DEPDC1B: variants seen among roughly 807,000 people sequenced by gnomAD.
DEPDC1B encodes the protein DEP domain containing 1B.
DEPDC1B carries 51 observed loss-of-function variants against 66.5 expected under a neutral mutation model. The observed-to-expected ratio is 0.77, with a 90% confidence interval of 0.61 to 0.97. The LOEUF (loss-of-function observed/expected upper bound fraction) is 0.97. Ranked by LOEUF, DEPDC1B falls within the 50% of genes least tolerant of loss-of-function variation. The pLI, the probability that DEPDC1B is intolerant of heterozygous loss-of-function variation, is 0.00. For synonymous variants in DEPDC1B, 226 were observed against 223.6 expected (o/e 1.01, Z -0.10); for missense variants, 552 against 637.1 (o/e 0.87, Z 1.44).
intron 7 of DEPDC1B, among the ~76,000 whole-genome samples, chr5:60,622,432 A>G (rs1175914246): frequency 6.6e-6 from 1 of 152,192 alleles, no homozygotes. Context: ...ATATACTACA[A>G]AATATTTTTC....
chr5:60,616,758 C>A, intron 7 of DEPDC1B, among the ~76,000 whole-genome samples: 1 of 152,080 alleles, frequency 6.6e-6, no homozygotes, highest in East Asian at 1.9e-4. Context: ...CAAGGCAGGC[C>A]AACATTCAAA....
chr5:60,697,318 T>C (rs1754679358), intron 1 of DEPDC1B, among the ~76,000 whole-genome samples: 1 of 152,172 alleles, frequency 6.6e-6, no homozygotes, highest in Admixed American at 6.5e-5. Flanking sequence ...CTGTACATGC[T>C]TTGAGAAAGT....
intron 2 of DEPDC1B, among the ~76,000 whole-genome samples, chr5:60,671,339 G>C (rs536064971): frequency 1.3e-5 from 2 of 152,292 alleles, no homozygotes; most frequent in South Asian, 4.1e-4. Context: ...ACAAGAAATG[G>C]ACTGTGCTGG....
intron 7 of DEPDC1B, among the ~76,000 whole-genome samples, chr5:60,630,120 G>A (rs1752890045): frequency 1.3e-5 from 2 of 152,046 alleles, no homozygotes; most frequent in Admixed American, 6.6e-5. Context: ...TGATTTTTGT[G>A]TATTGTGCAA....
intron 2 of DEPDC1B, 106 bp downstream of exon 2, chr5:60,686,856 C>G (rs1754422513): frequency 7.2e-7 from 1 of 1,380,412 alleles, no homozygotes; most frequent in Non-Finnish European, 1.0e-6. Flanking sequence ...ACCCACTGTT[C>G]AGTGAACAAG....
At chr5:60,691,705 A>G (rs1340210190) in intron 1 of DEPDC1B, among the ~76,000 whole-genome samples, 1 of 152,212 alleles carries the variant, frequency 6.6e-6, no homozygotes, top group African/African-American at 2.4e-5. Flanking sequence ...AATGTCCTAT[A>G]ACATATACAA....
intron 1 of DEPDC1B, among the ~76,000 whole-genome samples, chr5:60,692,389 T>G (rs1249256618): frequency 6.6e-6 from 1 of 152,228 alleles, no homozygotes; most frequent in African/African-American, 2.4e-5. Context: ...GATTTAATTA[T>G]TCCATTGAAT....
intron 7 of DEPDC1B, among the ~76,000 whole-genome samples, chr5:60,631,915 A>G (rs547570263): frequency 3.1e-4 from 47 of 152,144 alleles, no homozygotes; most frequent in African/African-American, 1.1e-3. Context: ...GAACTTTGCC[A>G]TTTTTCTAAC....
At chr5:60,614,540 C>A (rs752500487) in intron 7 of DEPDC1B, among the ~76,000 whole-genome samples, 3 of 152,108 alleles carry the variant, frequency 2.0e-5, no homozygotes, top group South Asian at 4.2e-4. Context: ...TTCTAAGCCC[C>A]TGCTTAATCT....
At chr5:60,679,596 A>G (rs913570457) in intron 2 of DEPDC1B, among the ~76,000 whole-genome samples, 1 of 152,306 alleles carries the variant, frequency 6.6e-6, no homozygotes, top group Admixed American at 6.5e-5. Flanking sequence ...AGGAAATAAA[A>G]AGAAAATGGT....
At chr5:60,648,093 T>C (rs1251565077) in intron 2 of DEPDC1B, 3 of 152,204 alleles carry the variant, frequency 2.0e-5, no homozygotes, top group African/African-American at 7.2e-5. Context: ...ACATTCCTCT[T>C]TGACATAATT....
intron 2 of DEPDC1B, among the ~76,000 whole-genome samples, chr5:60,658,749 G>A (rs1192309115): frequency 2.0e-5 from 3 of 152,196 alleles, no homozygotes; most frequent in African/African-American, 7.2e-5. Flanking sequence ...CCAGCAGGGA[G>A]CAGCAACCCC....
At chr5:60,637,796 ATT>A (rs1753077286) in intron 7 of DEPDC1B, among the ~76,000 whole-genome samples, 1 of 152,190 alleles carries the variant, frequency 6.6e-6, no homozygotes, top group South Asian at 2.1e-4. Context: ...TAATTGTTGT[ATT>A]TTGTTATTAT....
At chr5:60,622,303 A>G (rs180847586) in intron 7 of DEPDC1B, among the ~76,000 whole-genome samples, 54 of 152,244 alleles carry the variant, frequency 3.5e-4, no homozygotes, top group African/African-American at 1.3e-3. Flanking sequence ...CCTTTCCTAG[A>G]ATTTCATGTA....
At chr5:60,658,883 C>G (rs184946345) in intron 2 of DEPDC1B, among the ~76,000 whole-genome samples, 2 of 152,202 alleles carry the variant, frequency 1.3e-5, no homozygotes, top group Non-Finnish European at 2.9e-5. Flanking sequence ...TCCACCACTG[C>G]TGTTTACCAC....
At chr5:60,666,947 A>G (rs1483290085) in intron 2 of DEPDC1B, among the ~76,000 whole-genome samples, 1 of 152,142 alleles carries the variant, frequency 6.6e-6, no homozygotes, top group South Asian at 2.1e-4. Context: ...GAAGAGAAAA[A>G]CTACTAGTTG....
chr5:60,670,073 A>G (rs1449381534), intron 2 of DEPDC1B, among the ~76,000 whole-genome samples: 1 of 152,102 alleles, frequency 6.6e-6, no homozygotes, highest in Non-Finnish European at 1.5e-5. Context: ...TGCACCAAAA[A>G]ACATGAACTA....
chr5:60,637,471 C>A (rs1052813987), intron 7 of DEPDC1B, among the ~76,000 whole-genome samples: 1 of 152,200 alleles, frequency 6.6e-6, no homozygotes, highest in Admixed American at 6.5e-5. Context: ...CTTGAACAGT[C>A]TGCAGAACCA....
At chr5:60,684,930 C>T (rs1754379106) in intron 2 of DEPDC1B, among the ~76,000 whole-genome samples, 1 of 152,128 alleles carries the variant, frequency 6.6e-6, no homozygotes, top group South Asian at 2.1e-4. Flanking sequence ...ATAGATATTT[C>T]TCAAAAGAAG....
Sources: gnomAD v4.1 joint callset for allele counts (sites outside exome capture counted in the v4.1 genomes callset) on GRCh38, gnomAD v4.1.1 for gene constraint, MANE v1.5 for transcripts, NCBI Gene and HGNC (gene_info 2026-07-23, HGNC 2026-07-21) for gene names.